Variants in ARL15 observed in about 807,000 individuals in gnomAD.
The protein encoded by ARL15 is ADP-ribosylation factor-like protein 15.
ARL15 carries 19 observed loss-of-function variants against 25.2 expected under a neutral mutation model. That is an observed-to-expected ratio of 0.75 (90% CI 0.53 to 1.10). ARL15 has a LOEUF of 1.10. ARL15 is among the 50% of genes least tolerant of loss of function. The probability of loss-of-function intolerance (pLI) is 0.00; values close to 1 mark genes in which losing one functional copy is unlikely to be tolerated. For synonymous variants in ARL15, 94 were observed against 86.8 expected, an observed-to-expected ratio of 1.08 and a Z score of -0.46; for missense variants, 220 against 246.0, an observed-to-expected ratio of 0.89 and a Z score of 0.71.
chr5:53,905,969 C>T (rs1580066628), intron 4 of ARL15, among the ~76,000 whole-genome samples: 1 of 152,208 alleles, frequency 6.6e-6, no homozygotes, highest in East Asian at 1.9e-4. Flanking sequence ...ATTTTAGGTG[C>T]CTAGTCACAG....
intron 1 of ARL15, among the ~76,000 whole-genome samples, chr5:54,183,532 T>C (rs1755124390): frequency 6.8e-6 from 1 of 147,402 alleles, no homozygotes; most frequent in African/African-American, 2.5e-5. Context: ...CTTTTTGATG[T>C]GCTGCTGGAT....
intron 1 of ARL15, among the ~76,000 whole-genome samples, chr5:54,306,171 A>C (rs1486798529): frequency 6.6e-6 from 1 of 152,158 alleles, no homozygotes; most frequent in Non-Finnish European, 1.5e-5. Flanking sequence ...AGGGCTCCAT[A>C]AATATTTGTT....
chr5:53,924,211 T>C (rs1389070082), intron 4 of ARL15, among the ~76,000 whole-genome samples: 1 of 152,192 alleles, frequency 6.6e-6, no homozygotes, highest in Non-Finnish European at 1.5e-5. Context: ...TTTTGGAAAG[T>C]TGCCATTACG....
intron 4 of ARL15, among the ~76,000 whole-genome samples, chr5:53,965,996 C>T (rs753678166): frequency 2.6e-5 from 4 of 152,170 alleles, no homozygotes; most frequent in Non-Finnish European, 5.9e-5. Context: ...TTTTCATCCC[C>T]ATTTCCTGAC....
At chr5:54,156,523 C>G (rs1283031235) in intron 2 of ARL15, among the ~76,000 whole-genome samples, 1 of 152,108 alleles carries the variant, frequency 6.6e-6, no homozygotes, top group Non-Finnish European at 1.5e-5. Flanking sequence ...ATATTTTCTG[C>G]CTGCCTGAAT....
chr5:53,935,156 T>TA (rs1746314391), intron 4 of ARL15, among the ~76,000 whole-genome samples: 1 of 152,114 alleles, frequency 6.6e-6, no homozygotes, highest in Non-Finnish European at 1.5e-5. Flanking sequence ...TAAATGAATG[T>TA]AAAAAAATCT....
rs143684462 is a variant in ARL15 at position 53,903,419 on chromosome 5, T to C, written c.463-16706A>G. Among the ~76,000 whole-genome samples the C allele has an allele frequency of 4.1e-3, 625 of 152,282 alleles. 9 individuals carry two copies. Among genetic ancestry groups the C allele is most frequent in the African/African-American group, 0.014 (592 of 41,566 alleles). On this transcript the variant is annotated intron_variant, in intron 4 of 4. Transcript: ENST00000504924. ...GTGGGGAAGCAGAGCAGGTGGTTAC[T>C]ACCAGCATCTAGTGGGTAGAGGCCA...
At chr5:54,029,371 CCACCACTA>C (rs1357382417) in intron 4 of ARL15, among the ~76,000 whole-genome samples, 59 of 142,210 alleles carry the variant, frequency 4.1e-4, no homozygotes, top group Non-Finnish European at 2.6e-4. Flanking sequence ...ACCACCACCA[CCACCACTA>C]CACCTAGAGA....
chr5:54,011,345 T>C (rs1749237272), intron 4 of ARL15, among the ~76,000 whole-genome samples: 1 of 152,200 alleles, frequency 6.6e-6, no homozygotes, highest in Non-Finnish European at 1.5e-5. Flanking sequence ...TTCAACTTTC[T>C]ATATGACCCG....
At chr5:53,944,113 T>C (rs1746635772) in intron 4 of ARL15, among the ~76,000 whole-genome samples, 1 of 152,112 alleles carries the variant, frequency 6.6e-6, no homozygotes, top group African/African-American at 2.4e-5. Flanking sequence ...TAGAACTACA[T>C]GGTAAACACC....
intron 1 of ARL15, among the ~76,000 whole-genome samples, chr5:54,305,880 A>ATAT (rs1475743288): frequency 6.6e-6 from 1 of 152,224 alleles, no homozygotes; most frequent in East Asian, 1.9e-4. Flanking sequence ...AATGCAATGA[A>ATAT]TATTAATTGA....
At chr5:54,291,677 T>G (rs141906195) in intron 1 of ARL15, among the ~76,000 whole-genome samples, 1 of 152,178 alleles carries the variant, frequency 6.6e-6, no homozygotes, top group Non-Finnish European at 1.5e-5. Context: ...CATCTACTAC[T>G]GGAATGTGGA....
intron 4 of ARL15, among the ~76,000 whole-genome samples, chr5:54,100,420 G>A (rs1202219403): frequency 5.9e-5 from 9 of 151,932 alleles, no homozygotes; most frequent in Non-Finnish European, 7.4e-5. Context: ...ATTTTATCAC[G>A]GGTAATGGGT....
At chr5:54,154,307 G>T in intron 3 of ARL15, 3 of 278,288 alleles carry the variant, frequency 1.1e-5, no homozygotes, top group South Asian at 1.2e-4. Flanking sequence ...AGAATTTTTT[G>T]AACAAGTAAA....
intron 1 of ARL15, among the ~76,000 whole-genome samples, chr5:54,186,997 G>C (rs545856388): frequency 1.3e-5 from 2 of 149,816 alleles, no homozygotes; most frequent in South Asian, 4.2e-4. Flanking sequence ...TTTTCCTTTT[G>C]TACAAAACAG....
chr5:54,063,166 A>G (rs530831579), intron 4 of ARL15, among the ~76,000 whole-genome samples: 16 of 152,244 alleles, frequency 1.1e-4, no homozygotes, highest in Non-Finnish European at 2.4e-4. Flanking sequence ...AATAAATCCC[A>G]TACAAGGCAA....
intron 1 of ARL15, among the ~76,000 whole-genome samples, chr5:54,291,367 C>T (rs1445582448): frequency 6.6e-6 from 1 of 152,164 alleles, no homozygotes; most frequent in Non-Finnish European, 1.5e-5. Flanking sequence ...TTGCATGTAA[C>T]CTACACATAT....
At chr5:53,977,229 C>T (rs927788986) in intron 4 of ARL15, among the ~76,000 whole-genome samples, 12 of 151,824 alleles carry the variant, frequency 7.9e-5, no homozygotes, top group African/African-American at 2.7e-4. Context: ...TGGTGGCGGG[C>T]GCCTGTAGTC....
chr5:54,245,108 A>G (rs926505984), intron 1 of ARL15, among the ~76,000 whole-genome samples: 2 of 152,120 alleles, frequency 1.3e-5, no homozygotes, highest in African/African-American at 4.8e-5. Context: ...ATCTTTATAA[A>G]TTTAACTTCA....
Sources: allele counts gnomAD v4.1 joint callset (sites outside exome capture counted in the v4.1 genomes callset), GRCh38; gene constraint gnomAD v4.1.1; transcripts MANE v1.5; gene names NCBI Gene and HGNC (gene_info 2026-07-23, HGNC 2026-07-21).